Variants in ELMO1 observed in about 807,000 individuals in gnomAD.
ELMO1 encodes engulfment and cell motility 1.
Under a neutral mutation model 98.9 loss-of-function variants are expected in ELMO1, and 26 were observed. That is an observed-to-expected ratio of 0.26 (90% confidence interval 0.19 to 0.36). ELMO1 has a LOEUF of 0.36. Among genes scored for constraint, ELMO1 ranks in the 10% least tolerant of loss-of-function variants. The probability of loss-of-function intolerance (pLI) is 1.00; values close to 1 mark genes in which losing one functional copy is unlikely to be tolerated. For synonymous variants in ELMO1, 346 were observed against 346.0 expected, an observed-to-expected ratio of 1.00 and a Z score of 0.00; for missense variants, 627 against 935.2, an observed-to-expected ratio of 0.67 and a Z score of 4.30.
chr7:37,035,085 G>A (rs1795104531), intron 15 of ELMO1, among the ~76,000 whole-genome samples: 1 of 152,030 alleles, frequency 6.6e-6, no homozygotes, highest in Non-Finnish European at 1.5e-5. Context: ...AGATTCCTTG[G>A]TGGCATTTTC....
intron 13 of ELMO1, among the ~76,000 whole-genome samples, chr7:37,197,944 G>A (rs932242256): frequency 6.6e-6 from 1 of 152,200 alleles, no homozygotes; most frequent in Non-Finnish European, 1.5e-5. Context: ...AAAGGGTATC[G>A]TGGATGGAGT....
At chr7:37,130,811 C>T (rs1786872411) in intron 14 of ELMO1, among the ~76,000 whole-genome samples, 3 of 151,750 alleles carry the variant, frequency 2.0e-5, no homozygotes, top group Admixed American at 2.0e-4. Flanking sequence ...ATAAATCTGA[C>T]TGGCAAAGAG....
At chr7:37,412,319 GA>G (rs1804026723) in intron 1 of ELMO1, among the ~76,000 whole-genome samples, 1 of 152,180 alleles carries the variant, frequency 6.6e-6, no homozygotes, top group Non-Finnish European at 1.5e-5. Context: ...GGACACTGAG[GA>G]AAGGCTGTGC....
chr7:37,187,296 G>A (rs972013891), intron 13 of ELMO1, among the ~76,000 whole-genome samples: 5 of 152,108 alleles, frequency 3.3e-5, no homozygotes. Context: ...GTTGCCTGGG[G>A]CTGGGGAGGA....
At chr7:37,041,119 T>C (rs1351554475) in intron 15 of ELMO1, among the ~76,000 whole-genome samples, 2 of 151,736 alleles carry the variant, frequency 1.3e-5, no homozygotes, top group African/African-American at 2.4e-5. Context: ...ATAAAAGCTA[T>C]ATGGGAGTAG....
intron 6 of ELMO1, among the ~76,000 whole-genome samples, chr7:37,247,842 G>C: frequency 6.6e-6 from 1 of 151,752 alleles, no homozygotes; most frequent in African/African-American, 2.4e-5. Flanking sequence ...AGCAAGAGGG[G>C]ATTTTCTGCT....
intron 1 of ELMO1, among the ~76,000 whole-genome samples, chr7:37,354,501 C>A (rs1472934474): frequency 2.0e-5 from 3 of 152,196 alleles, no homozygotes; most frequent in African/African-American, 7.2e-5. Flanking sequence ...CAAGATGAGA[C>A]CTGAGCTGAG....
intron 13 of ELMO1, among the ~76,000 whole-genome samples, chr7:37,170,897 TG>T (rs1306329842): frequency 2.0e-5 from 3 of 152,162 alleles, no homozygotes; most frequent in Non-Finnish European, 2.9e-5. Context: ...GTGGGCACCA[TG>T]CCTGGCTGAA....
At chr7:37,126,464 T>A (rs1786532145) in intron 14 of ELMO1, among the ~76,000 whole-genome samples, 1 of 151,954 alleles carries the variant, frequency 6.6e-6, no homozygotes, top group Admixed American at 6.6e-5. Context: ...TGTTTAAAAT[T>A]AGGTCACTGG....
chr7:37,114,225 A>T (rs2129279723), intron 14 of ELMO1, among the ~76,000 whole-genome samples: 1 of 152,364 alleles, frequency 6.6e-6, no homozygotes, highest in Admixed American at 6.5e-5. Context: ...TGTTGAAGAC[A>T]GAAAAGATGA....
At chr7:37,430,392 T>C (rs1359512516) in intron 1 of ELMO1, among the ~76,000 whole-genome samples, 1 of 152,196 alleles carries the variant, frequency 6.6e-6, no homozygotes, top group African/African-American at 2.4e-5. Context: ...AATGAGTTAA[T>C]GAATGAAGTC....
rs548150374 is a variant in ELMO1, at chr7:37,371,171, A to C, written c.-73-28408T>G. On this transcript the variant is annotated intron_variant, in intron 1 of 21. Transcript: ENST00000310758. ...TGAACAAGCCACTGAAAAACTTAGA[A>C]TCATTCCGTTTTTATAAAGTTGCAA... Among the ~76,000 whole-genome samples, 23 of 152,348 alleles carry C rather than the reference A, an allele frequency of 1.5e-4. No homozygotes were observed. The South Asian group carries it at 2.1e-3, about 14-fold the overall frequency.
chr7:37,121,825 C>A (rs1206320454), intron 14 of ELMO1, among the ~76,000 whole-genome samples: 1 of 152,122 alleles, frequency 6.6e-6, no homozygotes, highest in African/African-American at 2.4e-5. Context: ...ACATAATACA[C>A]ATAATTGTCA....
chr7:37,165,108 G>C (rs1789558758), intron 13 of ELMO1, among the ~76,000 whole-genome samples: 1 of 152,178 alleles, frequency 6.6e-6, no homozygotes, highest in Non-Finnish European at 1.5e-5. Flanking sequence ...ATTGTGAATA[G>C]GAGTTCACTC....
At chr7:36,902,311 A>T (rs1279525574) in intron 16 of ELMO1, among the ~76,000 whole-genome samples, 1 of 152,216 alleles carries the variant, frequency 6.6e-6, no homozygotes, top group Non-Finnish European at 1.5e-5. Context: ...GAACTCAGCA[A>T]GTCATTAACT....
chr7:36,933,470 G>C (rs1403295313), intron 16 of ELMO1, among the ~76,000 whole-genome samples: 2 of 152,164 alleles, frequency 1.3e-5, no homozygotes, highest in African/African-American at 4.8e-5. Flanking sequence ...GGTGAGAAGT[G>C]AGCTGTGAAA....
intron 2 of ELMO1, among the ~76,000 whole-genome samples, chr7:37,334,457 A>G (rs182583467): frequency 2.4e-4 from 37 of 152,260 alleles, no homozygotes; most frequent in African/African-American, 8.9e-4. Flanking sequence ...AACAACAAGA[A>G]AAAAACCAAA....
intron 16 of ELMO1, among the ~76,000 whole-genome samples, chr7:37,001,586 C>T (rs1426353561): frequency 6.6e-6 from 1 of 152,138 alleles, no homozygotes; most frequent in Non-Finnish European, 1.5e-5. Context: ...TGGGAGTAGA[C>T]ATACAAAATT....
chr7:37,120,626 G>A (rs1048524148), intron 14 of ELMO1, among the ~76,000 whole-genome samples: 2 of 152,216 alleles, frequency 1.3e-5, no homozygotes, highest in Non-Finnish European at 2.9e-5. Context: ...AAAGTGGCCG[G>A]GAAGCTCAAA....
Sources: gnomAD v4.1 joint callset for allele counts (sites outside exome capture counted in the v4.1 genomes callset) on GRCh38, gnomAD v4.1.1 for gene constraint, MANE v1.5 for transcripts, NCBI Gene and HGNC (gene_info 2026-07-23, HGNC 2026-07-21) for gene names.